Variants in ERBB4 observed in about 807,000 individuals in gnomAD.
ERBB4 encodes erb-b2 receptor tyrosine kinase 4.
A neutral mutation model predicts 158.0 loss-of-function variants in ERBB4; 42 were observed. That is an observed-to-expected ratio of 0.27 (90% CI 0.21 to 0.34). The LOEUF is 0.34. ERBB4 is among the 10% of genes least tolerant of loss of function. ERBB4 has a pLI of 1.00. For synonymous variants in ERBB4, 583 were observed against 558.7 expected (o/e 1.04, Z -0.61); for missense variants, 1,333 against 1,624.1 (o/e 0.82, Z 3.08).
In ERBB4 at chr2:211,673,185, G is replaced by A. The variant is rs1166212250; in HGVS notation, c.1695C>T (p.Gly565=). 1 of 1,613,122 alleles carries A rather than the reference G, an allele frequency of 6.2e-7. No individual in the cohort carries two copies. The highest frequency in any genetic ancestry group is 8.5e-7 in the Non-Finnish European group (1 of 1,179,176). ...CDPQCEKMED[G]LLTCHGPGPD... is the part of the protein sequence containing the mutation. ...TTACCGGTCCATGGCATGTGAGGAGGCCATCTTCCATCTTCTCACACTGGG... is the reference window on the plus strand; with the variant it reads ...TTACCGGTCCATGGCATGTGAGGAGACCATCTTCCATCTTCTCACACTGGG... The change falls in exon 14 of 28, where the codon GGC becomes GGT. Residue 565 remains glycine, a synonymous_variant. Transcript: ENST00000342788.
intron 3 of ERBB4, among the ~76,000 whole-genome samples, chr2:211,815,438 G>A (rs896798294): frequency 5.3e-5 from 8 of 152,128 alleles, no homozygotes; most frequent in Admixed American, 5.2e-4. Flanking sequence ...TCCCAAAAGA[G>A]TAAGGTAAAA....
At chr2:212,514,863 A>C (rs1297670743) in intron 1 of ERBB4, among the ~76,000 whole-genome samples, 1 of 152,208 alleles carries the variant, frequency 6.6e-6, no homozygotes, top group Admixed American at 6.5e-5. Flanking sequence ...AAAAGGAAAA[A>C]CAACAGAACA....
In ERBB4 at chr2:211,383,937, T is replaced by C; in HGVS notation, c.3605A>G (p.Tyr1202Cys). 1.9e-6 allele frequency: 3 copies of C among 1,614,152 alleles called. No individual in the cohort carries two copies. Among genetic ancestry groups the C allele is most frequent in the Non-Finnish European group, 2.5e-6 (3 of 1,180,022 alleles). Residue 1202 changes from tyrosine to cysteine, a missense_variant, in exon 28 of 28, where the codon TAT (tyrosine) becomes TGT (cysteine). By Grantham distance (194) the Tyr-to-Cys change is radical. Coordinates refer to ENST00000342788, the MANE Select transcript of ERBB4 (RefSeq NM_005235.3). ...GTTGAGGTACAGTGGCTCATTCACA[T>C]ACTCATCCTCGGCCTTGGGTGGACC... ...SNGPPKAEDE[Y>C]VNEPLYLNTF...
At chr2:212,412,253 T>C (rs2091520443) in intron 1 of ERBB4, among the ~76,000 whole-genome samples, 1 of 152,184 alleles carries the variant, frequency 6.6e-6, no homozygotes, top group Admixed American at 6.5e-5. Flanking sequence ...TGTGATATGG[T>C]TTGGATCTGT....
At chr2:211,998,513 A>C (rs1192038374) in intron 2 of ERBB4, among the ~76,000 whole-genome samples, 1 of 144,138 alleles carries the variant, frequency 6.9e-6, no homozygotes, top group Non-Finnish European at 1.5e-5. Context: ...TAAATAAACT[A>C]CTTAACTCAT....
intron 1 of ERBB4, among the ~76,000 whole-genome samples, chr2:212,185,371 GA>G (rs372652910): frequency 8.6e-4 from 121 of 140,536 alleles, no homozygotes; most frequent in South Asian, 4.3e-3. Context: ...CTCAGAAAAA[GA>G]AAAAAAAAAG....
At chr2:212,418,546 T>G (rs1271897186) in intron 1 of ERBB4, among the ~76,000 whole-genome samples, 2 of 150,762 alleles carry the variant, frequency 1.3e-5, no homozygotes, top group Non-Finnish European at 1.5e-5. Flanking sequence ...CATATATATA[T>G]ATATGTATAT....
At chr2:211,661,712 T>C (rs903639773) in intron 15 of ERBB4, among the ~76,000 whole-genome samples, 6 of 152,124 alleles carry the variant, frequency 3.9e-5, no homozygotes, top group Non-Finnish European at 8.8e-5. Flanking sequence ...TATTTCATTA[T>C]ATCAGTTTAA....
intron 25 of ERBB4, among the ~76,000 whole-genome samples, chr2:211,418,543 T>C (rs1203397498): frequency 6.6e-6 from 1 of 152,136 alleles, no homozygotes; most frequent in African/African-American, 2.4e-5. Flanking sequence ...GTCTCAATAA[T>C]TCCATCTAGC....
chr2:211,965,650 AAAAAT>A (rs904748486), intron 2 of ERBB4, among the ~76,000 whole-genome samples: 5 of 152,194 alleles, frequency 3.3e-5, no homozygotes, highest in Admixed American at 6.6e-5. Flanking sequence ...AGGAAACTAG[AAAAAT>A]AAAATAAAAT....
intron 1 of ERBB4, among the ~76,000 whole-genome samples, chr2:212,278,422 T>C (rs556346911): frequency 1.3e-5 from 2 of 151,836 alleles, no homozygotes; most frequent in African/African-American, 4.8e-5. Context: ...TCTATCTTTA[T>C]ACAATGAAAG....
chr2:211,724,549 A>T (rs781411916), intron 6 of ERBB4, among the ~76,000 whole-genome samples: 16 of 152,124 alleles, frequency 1.1e-4, no homozygotes, highest in Admixed American at 4.6e-4. Flanking sequence ...TGCCAAAGAC[A>T]AAGAGTACTG....
At chr2:212,033,474 A>T (rs1470036832) in intron 2 of ERBB4, among the ~76,000 whole-genome samples, 4 of 151,930 alleles carry the variant, frequency 2.6e-5, no homozygotes, top group African/African-American at 9.7e-5. Context: ...CCTAAATTTT[A>T]AAATATTAAA....
At chr2:212,288,291 A>G (rs992001136) in intron 1 of ERBB4, among the ~76,000 whole-genome samples, 2 of 152,152 alleles carry the variant, frequency 1.3e-5, no homozygotes, top group African/African-American at 4.8e-5. Context: ...GGCACACGGG[A>G]CAATGGCAAA....
At chr2:211,755,566 C>A (rs2075271851) in intron 4 of ERBB4, among the ~76,000 whole-genome samples, 2 of 152,188 alleles carry the variant, frequency 1.3e-5, no homozygotes, top group African/African-American at 2.4e-5. Flanking sequence ...CCCATCACCA[C>A]TATTTTAATT....
chr2:211,523,684 T>G (rs2066253821), intron 20 of ERBB4, among the ~76,000 whole-genome samples: 1 of 151,836 alleles, frequency 6.6e-6, no homozygotes, highest in Non-Finnish European at 1.5e-5. Context: ...AGCTGCAGAC[T>G]TTCGCAGTGA....
intron 20 of ERBB4, among the ~76,000 whole-genome samples, chr2:211,445,359 A>G (rs1003926684): frequency 5.9e-5 from 9 of 152,154 alleles, no homozygotes; most frequent in Non-Finnish European, 1.2e-4. Context: ...GCAGACAGAT[A>G]TGGGACCTTA....
intron 22 of ERBB4, among the ~76,000 whole-genome samples, chr2:211,426,851 C>T (rs1338085183): frequency 1.3e-5 from 2 of 151,338 alleles, no homozygotes; most frequent in South Asian, 4.2e-4. Flanking sequence ...TTCTATAAAC[C>T]TATCTATATC....
chr2:212,215,294 GC>G (rs67323455), intron 1 of ERBB4, among the ~76,000 whole-genome samples: 6,421 of 151,500 alleles, frequency 0.042, 416 homozygotes, highest in African/African-American at 0.14. Flanking sequence ...ATTTGTCACA[GC>G]TTAAATATTC....
Sources: gnomAD v4.1 joint callset for allele counts (sites outside exome capture counted in the v4.1 genomes callset) on GRCh38, gnomAD v4.1.1 for gene constraint, MANE v1.5 for transcripts, NCBI Gene and HGNC (gene_info 2026-07-23, HGNC 2026-07-21) for gene names.